SYNE1: variants seen among roughly 807,000 people sequenced by gnomAD.
The protein encoded by SYNE1 is nesprin-1.
A neutral mutation model predicts 1,111.0 loss-of-function variants in SYNE1; 616 were observed. That is an observed-to-expected ratio of 0.55 (90% CI 0.52 to 0.59). SYNE1 has a LOEUF of 0.59. SYNE1 is among the 20% of genes least tolerant of loss of function. The pLI is 0.00. For missense variants in SYNE1, 10,006 were observed against 10,417.0 expected, an observed-to-expected ratio of 0.96 and a Z score of 1.72; for synonymous variants, 3,855 against 3,825.8, an observed-to-expected ratio of 1.01 and a Z score of -0.28.
In SYNE1 at chr6:152,221,431, G is replaced by A; in HGVS notation, c.21651C>T (p.Asn7217=). The A allele has an allele frequency of 1.2e-6, 2 of 1,613,900 alleles. No individual in the cohort carries two copies. Among genetic ancestry groups the A allele is most frequent in the Non-Finnish European group, 8.5e-7 (1 of 1,179,894 alleles). ...ETLTNTLKEV[N]MRWNNLLEEI... is the part of the protein sequence containing the mutation. ...AAAGTTAACATACTCCATACCTCATGTTGACTTCTTTCAGTGTATTGGTAA... is the reference window on the plus strand; with the variant it reads ...AAAGTTAACATACTCCATACCTCATATTGACTTCTTTCAGTGTATTGGTAA... Residue 7217 remains asparagine (N), a synonymous_variant, in exon 118 of 146, where the codon AAC becomes AAT. Transcript: ENST00000367255.
chr6:152,451,275 G>GA, intron 25 of SYNE1, 70 bp from the exon 26 acceptor site: 6 of 1,466,098 alleles, frequency 4.1e-6, no homozygotes, highest in Middle Eastern at 2.0e-4. Context: ...AATTGAAGTG[G>GA]CAAAAAAAAA....
intron 113 of SYNE1, 65 bp from the exon 114 acceptor site, chr6:152,231,632 A>G (rs2082767859): frequency 6.5e-7 from 1 of 1,538,710 alleles, no homozygotes; most frequent in Non-Finnish European, 8.9e-7. Flanking sequence ...CAGGAGTTGG[A>G]AAGCCTTAAG....
At chr6:152,533,134 T>C (rs1196561947) in intron 4 of SYNE1, among the ~76,000 whole-genome samples, 1 of 152,098 alleles carries the variant, frequency 6.6e-6, no homozygotes, top group Non-Finnish European at 1.5e-5. Flanking sequence ...AGAAACAAAG[T>C]GTAGTAATTT....
chr6:152,489,306 T>C (rs1203265057), intron 11 of SYNE1, among the ~76,000 whole-genome samples: 56 of 152,156 alleles, frequency 3.7e-4, no homozygotes, highest in Non-Finnish European at 1.5e-5. Flanking sequence ...AGCATCTCAC[T>C]TGCTGCTGAC....
In SYNE1 at chr6:152,453,076, C is replaced by G. The variant is rs560509107; in HGVS notation, c.3027+510G>C. ...ACTTGTATTATTTGCAACTAATTAT[C>G]TCCTTTACTGAACTCTTAAGCTCTT... On this transcript the variant is annotated intron_variant, in intron 25 of 145. Transcript: ENST00000367255. 3.5e-4 allele frequency among the ~76,000 whole-genome samples: 53 copies of G among 152,216 alleles called. 1 individual carries two copies. The East Asian group carries it at 0.01, about 29-fold the overall frequency.
chr6:152,532,539 T>C (rs2623966), intron 4 of SYNE1, among the ~76,000 whole-genome samples: 29,669 of 152,124 alleles, frequency 0.2, 3,102 homozygotes, highest in Middle Eastern at 0.32. Flanking sequence ...AAGTATTTAC[T>C]TCAGTTGAGG....
chr6:152,422,181 C>CAG (rs2098272929), intron 39 of SYNE1, among the ~76,000 whole-genome samples: 1 of 152,206 alleles, frequency 6.6e-6, no homozygotes, highest in Non-Finnish European at 1.5e-5. Flanking sequence ...GTTCAGATTG[C>CAG]TACTGCAATC....
intron 24 of SYNE1, among the ~76,000 whole-genome samples, 193 bp from the exon 25 acceptor site, chr6:152,453,913 T>G (rs887800810): frequency 1.3e-5 from 2 of 152,244 alleles, no homozygotes; most frequent in Non-Finnish European, 1.5e-5. Flanking sequence ...CCATCATATC[T>G]GAAATTCTAC....
At chr6:152,180,501 G>A (rs1282283015) in intron 128 of SYNE1, among the ~76,000 whole-genome samples, 2 of 152,128 alleles carry the variant, frequency 1.3e-5, no homozygotes, top group Admixed American at 6.6e-5. Flanking sequence ...ATACACATTA[G>A]CTTATTAAAG....
At chr6:152,355,127 A>G in intron 66 of SYNE1, 151 bp from the exon 67 acceptor site, 1 of 821,216 alleles carries the variant, frequency 1.2e-6, no homozygotes, top group Non-Finnish European at 1.9e-6. Flanking sequence ...TATGTCCCTA[A>G]CCATATTTTC....
At chr6:152,168,312 T>C (rs1169423384) in intron 130 of SYNE1, 1 of 603,430 alleles carries the variant, frequency 1.7e-6, no homozygotes, top group African/African-American at 1.9e-5. Flanking sequence ...ATGCTCACTG[T>C]AGACAAATGT....
Position 152,208,312 on chromosome 6 carries a change from T to C in SYNE1, c.22590-106A>G, listed in dbSNP as rs982940087. ...AACAACCCTAAGCCCTGAGAAGTGATCTAGGGCGGTGGTTTTTGAATATCA... is the reference window on the plus strand; with the variant it reads ...AACAACCCTAAGCCCTGAGAAGTGACCTAGGGCGGTGGTTTTTGAATATCA... On this transcript the variant is annotated intron_variant, in intron 124 of 145. Transcript: ENST00000367255. The C allele has an allele frequency of 1.3e-5, 13 of 999,830 alleles. 1 individual carries two copies. Among genetic ancestry groups the C allele is most frequent in the South Asian group, 5.4e-5 (4 of 73,948 alleles). The allele number at this position is 999,830 out of a possible 1,614,324, so 61.9% of individuals were successfully genotyped here.
intron 3 of SYNE1, among the ~76,000 whole-genome samples, chr6:152,624,174 C>T (rs1424740913): frequency 6.6e-6 from 1 of 152,036 alleles, no homozygotes; most frequent in East Asian, 1.9e-4. Flanking sequence ...AGTGAATAAT[C>T]CTACTCTCCT....
chr6:152,344,003 A>G, intron 74 of SYNE1, 78 bp downstream of exon 74: 6 of 1,595,930 alleles, frequency 3.8e-6, no homozygotes, highest in Non-Finnish European at 5.1e-6. Context: ...AGTTTGGCAC[A>G]TCATAGGTAC....
intron 112 of SYNE1, among the ~76,000 whole-genome samples, chr6:152,233,241 C>T (rs1463304113): frequency 6.6e-6 from 1 of 152,152 alleles, no homozygotes; most frequent in Non-Finnish European, 1.5e-5. Context: ...GCCAGACAAA[C>T]ATTCCAATAC....
intron 54 of SYNE1, 38 bp downstream of exon 54, chr6:152,387,034 G>C: frequency 6.6e-7 from 1 of 1,519,162 alleles, no homozygotes; most frequent in African/African-American, 1.4e-5. Flanking sequence ...TTGTATTAAT[G>C]TATTATAAAG....
chr6:152,207,925 G>C (rs199683623), intron 125 of SYNE1, 47 bp downstream of exon 125: 1 of 1,591,982 alleles, frequency 6.3e-7, no homozygotes, highest in South Asian at 1.1e-5. Flanking sequence ...TAAAGTGTGC[G>C]GTGGAAATGC....
chr6:152,158,885 C>A (rs1586495019), intron 131 of SYNE1, among the ~76,000 whole-genome samples: 2 of 152,178 alleles, frequency 1.3e-5, no homozygotes, highest in East Asian at 3.9e-4. Flanking sequence ...GAAATAGCAA[C>A]CCTAAGATTT....
intron 32 of SYNE1, among the ~76,000 whole-genome samples, chr6:152,438,370 T>G (rs532680631): frequency 3.5e-4 from 53 of 152,292 alleles, no homozygotes; most frequent in Non-Finnish European, 5.7e-4. Context: ...ACATTCAATT[T>G]TAGAGCTTTT....
Sources: gnomAD v4.1 joint callset for allele counts (sites outside exome capture counted in the v4.1 genomes callset) on GRCh38, gnomAD v4.1.1 for gene constraint, MANE v1.5 for transcripts, NCBI Gene and HGNC (gene_info 2026-07-23, HGNC 2026-07-21) for gene names.